The following ATF2 variants were observed in gnomAD, a reference collection of about 807,000 sequenced individuals.
The protein encoded by ATF2 is activating transcription factor 2.
Under a neutral mutation model 60.6 loss-of-function variants are expected in ATF2, and 24 were observed. That is an observed-to-expected ratio of 0.40 (90% confidence interval 0.29 to 0.56). The LOEUF is 0.56. Among genes scored for constraint, ATF2 ranks in the 20% least tolerant of loss-of-function variants. The pLI, the probability that ATF2 is intolerant of heterozygous loss-of-function variation, is 0.54. For missense variants in ATF2, 433 were observed against 607.7 expected, an observed-to-expected ratio of 0.71 and a Z score of 3.02; for synonymous variants, 206 against 215.4, an observed-to-expected ratio of 0.96 and a Z score of 0.38.
rs138171863 is a variant in ATF2, at chr2:175,109,059, A to G, written c.828+2509T>C. ...CGGAAGGCCGCAGGGTCCTCTGCAT[A>G]GGAAAACCAGAGACCTTTGTTCACT... On this transcript the variant is annotated intron_variant, in intron 10 of 13. Coordinates refer to ENST00000264110, the MANE Select transcript of ATF2 (RefSeq NM_001880.4). 2.7e-3 allele frequency among the ~76,000 whole-genome samples: 403 copies of G among 151,500 alleles called. 15 individuals are homozygous for G. The East Asian group carries it at 0.073, about 27-fold the overall frequency.
At chr2:175,114,486 T>C (rs1330663709) in intron 8 of ATF2, 1 of 1,281,842 alleles carries the variant, frequency 7.8e-7, no homozygotes, top group Non-Finnish European at 9.9e-7. Flanking sequence ...CATTCTATAT[T>C]TGTTTTTAGT....
At chr2:175,140,822 A>AG (rs1408087718) in intron 2 of ATF2, among the ~76,000 whole-genome samples, 1 of 106,768 alleles carries the variant, frequency 9.4e-6, no homozygotes, top group Non-Finnish European at 1.9e-5. Context: ...GTCTCTATAC[A>AG]AAAAAAAAAA....
chr2:175,155,322 TAA>T (rs1699605546), intron 1 of ATF2, among the ~76,000 whole-genome samples: 1 of 152,188 alleles, frequency 6.6e-6, no homozygotes. Context: ...TAATTTAAAA[TAA>T]GAGTGCCTTA....
chr2:175,122,419 C>T (rs1456348400), intron 4 of ATF2, among the ~76,000 whole-genome samples: 2 of 151,942 alleles, frequency 1.3e-5, no homozygotes, highest in Non-Finnish European at 1.5e-5. Context: ...TCTCAATTCA[C>T]TCTTTATAAC....
At chr2:175,105,270 T>A (rs1487760776) in intron 10 of ATF2, among the ~76,000 whole-genome samples, 1 of 151,804 alleles carries the variant, frequency 6.6e-6, no homozygotes, top group East Asian at 1.9e-4. Context: ...CCCTGAATAA[T>A]CATTATGTGT....
At chr2:175,150,039 A>G (rs1699202670) in intron 2 of ATF2, among the ~76,000 whole-genome samples, 1 of 152,198 alleles carries the variant, frequency 6.6e-6, no homozygotes, top group South Asian at 2.1e-4. Flanking sequence ...ATATTTTATG[A>G]TGACTGCTTC....
intron 1 of ATF2, among the ~76,000 whole-genome samples, chr2:175,154,234 A>AATATAT (rs372519893): frequency 2.3e-5 from 3 of 131,658 alleles, no homozygotes; most frequent in East Asian, 2.2e-4. Context: ...AGAAAAAAAA[A>AATATAT]ATATATATAT....
intron 1 of ATF2, among the ~76,000 whole-genome samples, chr2:175,154,842 T>C (rs965440941): frequency 3.3e-5 from 5 of 152,340 alleles, no homozygotes; most frequent in Middle Eastern, 3.4e-3. Context: ...GCAAATTTCC[T>C]GGTAAGAGCC....
At chr2:175,144,823 T>C (rs1233164830) in intron 2 of ATF2, among the ~76,000 whole-genome samples, 1 of 152,130 alleles carries the variant, frequency 6.6e-6, no homozygotes, top group Non-Finnish European at 1.5e-5. Context: ...AAGTAAAGGA[T>C]AGGAGTGGCA....
intron 10 of ATF2, among the ~76,000 whole-genome samples, chr2:175,110,918 T>C (rs1473018634): frequency 2.0e-5 from 3 of 152,152 alleles, no homozygotes; most frequent in African/African-American, 7.2e-5. Context: ...TGATTTTCTT[T>C]AAAAATAGAA....
rs548759075 is a variant in ATF2 at position 175,084,502 on chromosome 2, G to A, written c.1186-3737C>T. On this transcript the variant is annotated intron_variant, in intron 12 of 13. Transcript: ENST00000264110. ...CACTCTGGGGACTGTTGTGGGGTGG[G>A]GGGAGGGGGGAGGGATAGCATTAGG... Among the ~76,000 whole-genome samples the A allele has an allele frequency of 1.5e-4, 16 of 109,106 alleles. No homozygotes were observed. The South Asian group carries it at 6.4e-3, about 43-fold the overall frequency. The allele number at this position is 109,106 out of a possible 152,430, so 71.6% of individuals were successfully genotyped here.
chr2:175,159,925 A>G (rs1699912657), intron 1 of ATF2, among the ~76,000 whole-genome samples: 1 of 152,226 alleles, frequency 6.6e-6, no homozygotes, highest in Non-Finnish European at 1.5e-5. Context: ...GTAGGTGATA[A>G]AATACCTTTC....
At chr2:175,075,686 GA>G (rs894727360) in intron 13 of ATF2, among the ~76,000 whole-genome samples, 7 of 152,024 alleles carry the variant, frequency 4.6e-5, no homozygotes, top group African/African-American at 1.7e-4. Flanking sequence ...GAACACCTGG[GA>G]ACCGAGCCGC....
intron 2 of ATF2, among the ~76,000 whole-genome samples, chr2:175,138,570 T>A (rs1204499229): frequency 6.6e-6 from 1 of 152,214 alleles, no homozygotes; most frequent in Admixed American, 6.5e-5. Context: ...CAATACACCA[T>A]GGCCCATTTA....
intron 3 of ATF2, among the ~76,000 whole-genome samples, chr2:175,131,393 A>G (rs900541440): frequency 2.0e-5 from 3 of 152,214 alleles, no homozygotes; most frequent in African/African-American, 7.2e-5. Flanking sequence ...GTCAAAGGGC[A>G]GTGCCCTGAA....
At chr2:175,163,183 ATGC>A (rs79896612) in intron 1 of ATF2, among the ~76,000 whole-genome samples, 1 of 1,500 alleles carries the variant, frequency 6.7e-4, no homozygotes, top group East Asian at 0.17. Flanking sequence ...AAATAAATAA[ATGC>A]AAGCAAACAT....
intron 3 of ATF2, among the ~76,000 whole-genome samples, chr2:175,132,292 T>C (rs1342167997): frequency 6.6e-6 from 1 of 152,190 alleles, no homozygotes; most frequent in Non-Finnish European, 1.5e-5. Flanking sequence ...TACACGTAAA[T>C]CTCAGGGAGA....
intron 9 of ATF2, among the ~76,000 whole-genome samples, chr2:175,112,479 T>G (rs1696266115): frequency 6.6e-6 from 1 of 152,216 alleles, no homozygotes. Flanking sequence ...AATTAGTTAA[T>G]TAAAAAAAGA....
chr2:175,129,304 A>C (rs1697567194), intron 4 of ATF2, among the ~76,000 whole-genome samples: 1 of 152,130 alleles, frequency 6.6e-6, no homozygotes, highest in African/African-American at 2.4e-5. Context: ...TGATGAAGGT[A>C]GGTGGGATAA....
Sources: gnomAD v4.1 joint callset for allele counts (sites outside exome capture counted in the v4.1 genomes callset) on GRCh38, gnomAD v4.1.1 for gene constraint, MANE v1.5 for transcripts, NCBI Gene and HGNC (gene_info 2026-07-23, HGNC 2026-07-21) for gene names.